Variants in SHF observed in about 807,000 individuals in gnomAD.
SHF encodes SH2 domain-containing adapter protein F.
SHF carries 30 observed loss-of-function variants against 42.4 expected under a neutral mutation model. The observed-to-expected ratio is 0.71, with a 90% CI of 0.53 to 0.96. The LOEUF is 0.96. SHF is among the 40% of genes least tolerant of loss of function. The probability of loss-of-function intolerance (pLI) is 0.00; values close to 1 mark genes in which losing one functional copy is unlikely to be tolerated. For synonymous variants in SHF, 264 were observed against 269.9 expected (o/e 0.98, Z 0.21); for missense variants, 598 against 634.0 (o/e 0.94, Z 0.61).
At chr15:45,199,789 T>C (rs1899005228) in intron 1 of SHF, 1 of 151,736 alleles carries the variant, frequency 6.6e-6, no homozygotes, top group Non-Finnish European at 1.5e-5. Context: ...TCGTCTCTAC[T>C]AAAAATACAA....
chr15:45,171,074 C>T (rs1897461090), intron 6 of SHF: 1 of 153,716 alleles, frequency 6.5e-6, no homozygotes, highest in Non-Finnish European at 1.4e-5. Context: ...CTCTGATGGT[C>T]CCAGAGAATG....
chr15:45,190,015 T>G (rs1322519649), upstream of SHF, among the ~76,000 whole-genome samples: 1 of 152,184 alleles, frequency 6.6e-6, no homozygotes. Flanking sequence ...AAGCCAGTGC[T>G]GCTTGTATTT....
chr15:45,200,482 G>A (rs567792817), intron 1 of SHF: 3 of 342,068 alleles, frequency 8.8e-6, no homozygotes, highest in Admixed American at 3.8e-5. Context: ...ATACGATCAC[G>A]GCGAGCTACT....
intron 2 of SHF, among the ~76,000 whole-genome samples, chr15:45,193,179 T>G (rs1898757767): frequency 6.6e-6 from 1 of 152,254 alleles, no homozygotes; most frequent in Admixed American, 6.5e-5. Context: ...TCTCTAATTC[T>G]GTAATTCTAT....
Position 45,200,679 on chromosome 15 carries a change from G to A in SHF, c.-47+48C>T, listed in dbSNP as rs368470885. On this transcript the variant is annotated intron_variant, in intron 1 of 7. Transcript: ENST00000290894. ...CCACACTTGCCTGCGCACCAGACAC[G>A]GTGGCCGATTTCTCCACCGTGGAGG... The A allele has an allele frequency of 8.8e-6, 4 of 454,940 alleles. No individual in the cohort carries two copies. In the East Asian group the frequency reaches 2.1e-4, roughly 24 times the overall value. The allele number at this position is 454,940 out of a possible 1,614,324, so 28.2% of individuals were successfully genotyped here.
intron 2 of SHF, chr15:45,198,684 C>G: frequency 1.3e-6 from 2 of 1,502,530 alleles, no homozygotes; most frequent in Non-Finnish European, 1.8e-6. Flanking sequence ...CGGCGAGCTA[C>G]CGGGGACCCG....
At chr15:45,197,262 A>G (rs1167857858) in intron 2 of SHF, among the ~76,000 whole-genome samples, 2 of 151,798 alleles carry the variant, frequency 1.3e-5, no homozygotes, top group African/African-American at 4.8e-5. Context: ...AAAAAAAAAA[A>G]AAAAAAAAAG....
intron 1 of SHF, 140 bp downstream of exon 1, chr15:45,187,314 G>A: frequency 1.2e-6 from 1 of 818,262 alleles, no homozygotes; most frequent in Admixed American, 4.3e-5. Flanking sequence ...TGAAGGCTCG[G>A]AACCCCGGGG....
At chr15:45,191,200 C>T (rs1038445038), upstream of SHF, among the ~76,000 whole-genome samples, 2 of 152,092 alleles carry the variant, frequency 1.3e-5, no homozygotes, top group East Asian at 1.9e-4. Flanking sequence ...GCGTGTGATC[C>T]GCCTCACCCA....
At chr15:45,168,308 T>A (rs183047716) in intron 6 of SHF, among the ~76,000 whole-genome samples, 175 bp from the exon 7 acceptor site, 3 of 152,164 alleles carry the variant, frequency 2.0e-5, no homozygotes, top group African/African-American at 7.2e-5. Context: ...GGTGGTGGTG[T>A]AAGTAGGTAG....
intron 2 of SHF, chr15:45,198,692 C>T (rs939617679): frequency 6.4e-5 from 97 of 1,517,328 alleles, no homozygotes; most frequent in Middle Eastern, 1.8e-4. Context: ...TACCGGGGAC[C>T]CGTAGGGGTT....
intron 1 of SHF, chr15:45,200,556 A>G (rs1899056869): frequency 2.7e-6 from 1 of 365,518 alleles, no homozygotes; most frequent in African/African-American, 2.1e-5. Context: ...CCCCCTTGCA[A>G]TGTCATTGAT....
At chr15:45,177,070 C>T (rs1897849784) in intron 2 of SHF, among the ~76,000 whole-genome samples, 1 of 152,242 alleles carries the variant, frequency 6.6e-6, no homozygotes, top group Non-Finnish European at 1.5e-5. Flanking sequence ...TTCTTGACCA[C>T]TCTCTGCCTC....
At chr15:45,186,548 T>G (rs1358930909) in intron 1 of SHF, among the ~76,000 whole-genome samples, 1 of 152,256 alleles carries the variant, frequency 6.6e-6, no homozygotes, top group Non-Finnish European at 1.5e-5. Flanking sequence ...GCTCTCACTC[T>G]GCCAGGGAGG....
upstream of SHF, among the ~76,000 whole-genome samples, chr15:45,192,412 G>A (rs1300120505): frequency 7.8e-6 from 1 of 127,748 alleles, no homozygotes; most frequent in South Asian, 2.4e-4. Context: ...CTGTCATCCA[G>A]GCTGGAGTGC....
At chr15:45,188,752 G>A (rs527439856), upstream of SHF, among the ~76,000 whole-genome samples, 36 of 152,338 alleles carry the variant, frequency 2.4e-4, no homozygotes, top group African/African-American at 7.9e-4. Context: ...CACATCCCGG[G>A]CTTCATTGTC....
At chr15:45,188,875 G>A (rs767301821), upstream of SHF, among the ~76,000 whole-genome samples, 20 of 152,206 alleles carry the variant, frequency 1.3e-4, no homozygotes, top group Non-Finnish European at 2.4e-4. Context: ...ATGCTCAAGT[G>A]CTAGGCATTT....
chr15:45,172,138 G>C lies in SHF; in HGVS notation c.1160+9C>G. ...GGGAGGGAGTCCCCAGCTGGACACA[G>C]ACACTCACACCTGGTTTTCCAGAGG... On this transcript the variant is annotated intron_variant, in intron 5 of 6. Coordinates refer to ENST00000690270, the MANE Select transcript of SHF (RefSeq NM_001394037.1). 4.3e-6 allele frequency: 7 copies of C among 1,613,936 alleles called. No individual in the cohort carries two copies. The highest frequency in any genetic ancestry group is 5.9e-6 in the Non-Finnish European group (7 of 1,179,856).
exon 2 of SHF, chr15:45,199,096 C>A: frequency 6.5e-7 from 1 of 1,545,064 alleles, no homozygotes; most frequent in South Asian, 1.2e-5. Context: ...GACCCAATGC[C>A]GCCTCTGTGG....
Sources: gnomAD v4.1 joint callset for allele counts (sites outside exome capture counted in the v4.1 genomes callset) on GRCh38, gnomAD v4.1.1 for gene constraint, MANE v1.5 for transcripts, NCBI Gene and HGNC (gene_info 2026-07-23, HGNC 2026-07-21) for gene names.